Variants in RYR2 observed in about 807,000 individuals in gnomAD.
The protein encoded by RYR2 is ryanodine receptor 2, also known as cardiac muscle ryanodine receptor-calcium release channel.
RYR2 carries 227 observed loss-of-function variants against 601.1 expected under a neutral mutation model. The ratio of observed to expected loss-of-function variants is 0.38; its 90% CI spans 0.34 to 0.42. The LOEUF is 0.42. Ranked by LOEUF, RYR2 falls within the 10% of genes least tolerant of loss-of-function variation. The pLI is 1.00. For synonymous variants in RYR2, 2,223 were observed against 2,175.1 expected (o/e 1.02, Z -0.61); for missense variants, 4,646 against 6,156.5 (o/e 0.75, Z 8.21).
chr1:237,219,062 G>GACAC (rs1683503350), intron 1 of RYR2, among the ~76,000 whole-genome samples: 1 of 145,582 alleles, frequency 6.9e-6, no homozygotes, highest in East Asian at 2.0e-4. Context: ...ACCCAGGCTG[G>GACAC]AGTGCAGTGG....
At chr1:237,185,767 C>T (rs1280381243) in intron 1 of RYR2, among the ~76,000 whole-genome samples, 1 of 152,060 alleles carries the variant, frequency 6.6e-6, no homozygotes, top group Non-Finnish European at 1.5e-5. Context: ...TCTCTGGGGC[C>T]GTTAGACTTT....
intron 1 of RYR2, among the ~76,000 whole-genome samples, chr1:237,159,950 C>T (rs1427329133): frequency 6.6e-6 from 1 of 152,128 alleles, no homozygotes; most frequent in Non-Finnish European, 1.5e-5. Flanking sequence ...GTATTAATTG[C>T]TTGCTCTTTG....
At chr1:237,591,114 T>TTCCCCCTTCTCCTCC in intron 31 of RYR2, 122 bp downstream of exon 31, 1 of 89,302 alleles carries the variant, frequency 1.1e-5, no homozygotes, top group Admixed American at 2.8e-4. Flanking sequence ...CCTCCTCCTC[T>TTCCCCCTTCTCCTCC]TCCCCCTTCT....
chr1:237,427,138 G>A (rs1706257281), intron 12 of RYR2, among the ~76,000 whole-genome samples: 1 of 152,122 alleles, frequency 6.6e-6, no homozygotes, highest in Non-Finnish European at 1.5e-5. Context: ...AGAGGAACAC[G>A]CTACCTTCTT....
At chr1:237,367,152 G>A (rs975145380) in intron 5 of RYR2, among the ~76,000 whole-genome samples, 2 of 152,104 alleles carry the variant, frequency 1.3e-5, no homozygotes, top group African/African-American at 2.4e-5. Context: ...GGAGTGCAGC[G>A]GTGTGACCTC....
intron 17 of RYR2, among the ~76,000 whole-genome samples, 173 bp from the exon 18 acceptor site, chr1:237,491,633 G>A (rs1444190771): frequency 6.6e-6 from 1 of 152,066 alleles, no homozygotes; most frequent in Non-Finnish European, 1.5e-5. Flanking sequence ...TTGGATATTA[G>A]TCCCCTCTCC....
intron 1 of RYR2, among the ~76,000 whole-genome samples, chr1:237,064,839 C>T (rs1572506109): frequency 1.4e-5 from 2 of 142,780 alleles, no homozygotes; most frequent in Admixed American, 1.4e-4. Flanking sequence ...GCAAGCCCAT[C>T]ACATCCTATG....
intron 10 of RYR2, among the ~76,000 whole-genome samples, chr1:237,396,649 A>T (rs1195420385): frequency 6.6e-6 from 1 of 152,174 alleles, no homozygotes; most frequent in Non-Finnish European, 1.5e-5. Context: ...TCAGTCCCCA[A>T]AGACTAAATC....
chr1:237,061,299 CTATCTATCTA>C (rs1662859371), intron 1 of RYR2, among the ~76,000 whole-genome samples: 1 of 145,758 alleles, frequency 6.9e-6, no homozygotes, highest in Non-Finnish European at 1.5e-5. Flanking sequence ...ATCTATCTAT[CTATCTATCTA>C]TCTATCTATC....
In RYR2 at chr1:237,529,682, C is replaced by T. The variant is rs1219144307; in HGVS notation, c.2823-745C>T. 7.3e-5 allele frequency among the ~76,000 whole-genome samples: 11 copies of T among 151,248 alleles called. No individual in the cohort carries two copies. The East Asian group carries it at 9.8e-4, about 13-fold the overall frequency. ...CAAGGCAGGAGAAACCACTCAGTGC[C>T]GTGGGTACTAAAGACAAATTGTCTC... On this transcript the variant is annotated intron_variant, in intron 24 of 104. Transcript: ENST00000366574.
chr1:237,484,560 G>A (rs1363551909), intron 17 of RYR2, among the ~76,000 whole-genome samples: 1 of 152,168 alleles, frequency 6.6e-6, no homozygotes, highest in South Asian at 2.1e-4. Context: ...AAATCCCCAG[G>A]CTAGATTCTT....
intron 1 of RYR2, among the ~76,000 whole-genome samples, chr1:237,207,485 G>C (rs1344826498): frequency 1.3e-5 from 2 of 152,218 alleles, no homozygotes; most frequent in Non-Finnish European, 2.9e-5. Context: ...AGAATTGCTT[G>C]AACCGAGGAG....
In RYR2 at chr1:237,640,647, T is replaced by C. The variant is rs535694454; in HGVS notation, c.7116-250T>C. 2.6e-5 allele frequency among the ~76,000 whole-genome samples: 4 copies of C among 152,296 alleles called. No individual in the cohort carries two copies. The East Asian group carries it at 7.7e-4, about 29-fold the overall frequency. On this transcript the variant is annotated intron_variant, in intron 46 of 104. Coordinates refer to ENST00000366574, the MANE Select transcript of RYR2 (RefSeq NM_001035.3). Reference sequence around the variant, plus strand: ...AAGCCATCAAATAAGCAGTTCCTCCTTTTCCCCTCAAAGGAATCTTAATAC... The same window carrying C: ...AAGCCATCAAATAAGCAGTTCCTCCCTTTCCCCTCAAAGGAATCTTAATAC...
chr1:237,649,296 C>T (rs552645076), intron 49 of RYR2, among the ~76,000 whole-genome samples: 1 of 152,118 alleles, frequency 6.6e-6, no homozygotes, highest in South Asian at 2.1e-4. Flanking sequence ...CGACAGTAGC[C>T]CCTTCATGAA....
intron 28 of RYR2, among the ~76,000 whole-genome samples, chr1:237,568,653 A>G (rs765477880): frequency 3.3e-5 from 5 of 152,114 alleles, no homozygotes; most frequent in African/African-American, 4.8e-5. Flanking sequence ...TATCTGTGCC[A>G]TCGGTTCTAA....
intron 1 of RYR2, among the ~76,000 whole-genome samples, chr1:237,055,409 C>A (rs1408481620): frequency 6.6e-6 from 1 of 152,100 alleles, no homozygotes; most frequent in African/African-American, 2.4e-5. Context: ...GTAGAGAGAT[C>A]AGAGCGGGAC....
intron 16 of RYR2, among the ~76,000 whole-genome samples, chr1:237,467,193 C>A (rs1049790607): frequency 2.0e-5 from 3 of 146,560 alleles, no homozygotes; most frequent in Non-Finnish European, 4.5e-5. Flanking sequence ...TATATATATA[C>A]CTATATAATT....
chr1:237,383,495 T>C (rs866871388), intron 8 of RYR2, among the ~76,000 whole-genome samples: 4 of 133,654 alleles, frequency 3.0e-5, no homozygotes, highest in Middle Eastern at 8.4e-3. Flanking sequence ...AGGGGCACGA[T>C]CTCGGCTCGC....
intron 1 of RYR2, among the ~76,000 whole-genome samples, chr1:237,209,700 T>C (rs922393408): frequency 6.6e-6 from 1 of 151,964 alleles, no homozygotes; most frequent in African/African-American, 2.4e-5. Context: ...AAAAAATTTT[T>C]TAAAAATTAG....
Sources: allele counts gnomAD v4.1 joint callset (sites outside exome capture counted in the v4.1 genomes callset), GRCh38; gene constraint gnomAD v4.1.1; transcripts MANE v1.5; gene names NCBI Gene and HGNC (gene_info 2026-07-23, HGNC 2026-07-21).